Variants in PCDHA5 observed in about 807,000 individuals in gnomAD.
PCDHA5 encodes protocadherin alpha-5.
PCDHA5 carries 43 observed loss-of-function variants against 61.6 expected under a neutral mutation model. The observed-to-expected ratio is 0.70, with a 90% CI of 0.55 to 0.90. The LOEUF (loss-of-function observed/expected upper bound fraction) is 0.90. PCDHA5 is among the 40% of genes least tolerant of loss of function. The pLI is 0.00. For synonymous variants in PCDHA5, 627 were observed against 543.9 expected, an observed-to-expected ratio of 1.15 and a Z score of -2.13; for missense variants, 1,298 against 1,222.7, an observed-to-expected ratio of 1.06 and a Z score of -0.92.
At chr5:140,873,417 AATT>A (rs1443232738) in intron 1 of PCDHA5, among the ~76,000 whole-genome samples, 1 of 152,164 alleles carries the variant, frequency 6.6e-6, no homozygotes. Flanking sequence ...AAATTTTGTA[AATT>A]ATTATTTTAT....
At chr5:140,898,323 G>A (rs2066657733) in intron 1 of PCDHA5, among the ~76,000 whole-genome samples, 1 of 152,132 alleles carries the variant, frequency 6.6e-6, no homozygotes, top group Admixed American at 6.5e-5. Context: ...ATGGTTTTGG[G>A]TCTAACGTTT....
chr5:140,999,975 A>G (rs952038024), intron 3 of PCDHA5, among the ~76,000 whole-genome samples: 3 of 152,078 alleles, frequency 2.0e-5, no homozygotes, highest in African/African-American at 7.2e-5. Context: ...TAGCAGCTCT[A>G]GCGGCCTCTG....
intron 1 of PCDHA5, chr5:140,870,228 C>T: frequency 6.2e-7 from 1 of 1,614,186 alleles, no homozygotes; most frequent in South Asian, 1.1e-5. Context: ...GCGTGTCTGA[C>T]CGTGACTCAG....
intron 1 of PCDHA5, chr5:140,830,053 C>T (rs2150180331): frequency 4.3e-6 from 7 of 1,613,618 alleles, no homozygotes; most frequent in Non-Finnish European, 2.5e-6. Flanking sequence ...TGAAAGACCA[C>T]GGTGAGCCGG....
Position 141,009,998 on chromosome 5 carries a change from T to A in PCDHA5, c.*61T>A. On this transcript the variant is annotated 3_prime_UTR_variant, in exon 4 of 4. Transcript: ENST00000529859. ...TTGTAATAATGGCAAATCTCTCCCA[T>A]GTAGCAATTCCCTGCTCCTTTTTCC... 1 of 1,575,994 alleles carries A rather than the reference T, an allele frequency of 6.3e-7. No individual in the cohort carries two copies. Among genetic ancestry groups the A allele is most frequent in the Non-Finnish European group, 8.6e-7 (1 of 1,164,944 alleles).
chr5:140,882,100 C>T, intron 1 of PCDHA5: 1 of 1,277,590 alleles, frequency 7.8e-7, no homozygotes, highest in Non-Finnish European at 1.1e-6. Flanking sequence ...AGAACGTTTC[C>T]GCGAAGAAAG....
At chr5:141,005,548 A>G (rs970223535) in intron 3 of PCDHA5, among the ~76,000 whole-genome samples, 2 of 151,322 alleles carry the variant, frequency 1.3e-5, no homozygotes, top group African/African-American at 4.9e-5. Flanking sequence ...CTAAAAATAC[A>G]AAAATTAGCC....
At chr5:140,900,139 G>A (rs985320509) in intron 1 of PCDHA5, among the ~76,000 whole-genome samples, 2 of 152,156 alleles carry the variant, frequency 1.3e-5, no homozygotes, top group East Asian at 3.9e-4. Context: ...CCACAAATAA[G>A]TAAGAACATA....
Position 140,858,345 on chromosome 5 carries a change from A to G in PCDHA5, c.2352+34218A>G, listed in dbSNP as rs782668038. 4 of 1,594,626 alleles carry G rather than the reference A, an allele frequency of 2.5e-6. 1 individual carries two copies. The African/African-American group carries it at 5.4e-5, about 21-fold the overall frequency. On this transcript the variant is annotated intron_variant, in intron 1 of 3. Coordinates refer to ENST00000529859, the MANE Select transcript of PCDHA5 (RefSeq NM_018908.3). ...TCTGGGGAGGGCCTGCCCAAGGCGGACCTCATGGCCTTCAGCCCCAGCCTT... is the reference window on the plus strand; with the variant it reads ...TCTGGGGAGGGCCTGCCCAAGGCGGGCCTCATGGCCTTCAGCCCCAGCCTT...
chr5:140,836,008 T>C (rs2150250526), intron 1 of PCDHA5: 4 of 1,613,236 alleles, frequency 2.5e-6, no homozygotes, highest in Non-Finnish European at 3.4e-6. Flanking sequence ...GATGCGGGCG[T>C]GCCGCCTCTG....
At chr5:141,003,095 T>C (rs1245011518) in intron 3 of PCDHA5, among the ~76,000 whole-genome samples, 3 of 152,258 alleles carry the variant, frequency 2.0e-5, no homozygotes, top group African/African-American at 7.2e-5. Flanking sequence ...AGGCCTGGCA[T>C]TTGCTTCACA....
chr5:140,917,329 G>GC (rs1563018868), intron 1 of PCDHA5, among the ~76,000 whole-genome samples: 1 of 143,930 alleles, frequency 6.9e-6, no homozygotes, highest in Non-Finnish European at 1.5e-5. Flanking sequence ...TGTGGCGGGG[G>GC]AGGGGGGGGA....
intron 3 of PCDHA5, among the ~76,000 whole-genome samples, chr5:140,992,981 A>T (rs532135754): frequency 5.3e-5 from 8 of 152,232 alleles, no homozygotes; most frequent in Admixed American, 1.3e-4. Flanking sequence ...TGATTAGGCC[A>T]TGGGACCCAT....
At chr5:140,945,641 C>T (rs1253716354) in intron 1 of PCDHA5, among the ~76,000 whole-genome samples, 3 of 151,972 alleles carry the variant, frequency 2.0e-5, no homozygotes, top group Non-Finnish European at 2.9e-5. Context: ...GACATGTAGA[C>T]CAATGGAGCA....
intron 1 of PCDHA5, chr5:140,858,460 C>T (rs1395067215): frequency 6.6e-7 from 1 of 1,525,828 alleles, no homozygotes; most frequent in African/African-American, 1.4e-5. Context: ...TTTTCATTTT[C>T]CTTTTGTGCT....
rs1368766918 is a variant in PCDHA5 at position 141,010,867 on chromosome 5, A to G, written c.*930A>G. 4.6e-5 allele frequency: 7 copies of G among 153,798 alleles called. No homozygotes were observed. The highest frequency in any genetic ancestry group is 3.3e-4 in the Admixed American group (5 of 15,292). 9.5% of individuals were successfully genotyped at this position (153,798 alleles called of 1,614,324 possible). A position where few individuals can be genotyped will look rare whatever the true frequency, so the allele number is the denominator to read the frequency against. On this transcript the variant is annotated 3_prime_UTR_variant, in exon 4 of 4. Coordinates refer to ENST00000529859, the MANE Select transcript of PCDHA5 (RefSeq NM_018908.3). Reference sequence around the variant, plus strand: ...TTAAAAAAAGAGAAAGTCTATAGCTATAAATCTTTAAAGAGAAATATGAAT... The same window carrying G: ...TTAAAAAAAGAGAAAGTCTATAGCTGTAAATCTTTAAAGAGAAATATGAAT...
Position 140,850,095 on chromosome 5 carries a change from C to G in PCDHA5, c.2352+25968C>G, listed in dbSNP as rs139719626. The G allele has an allele frequency of 2.5e-3, 3,966 of 1,596,304 alleles. 379 individuals carry two copies. Among genetic ancestry groups the G allele is most frequent in the Non-Finnish European group, 3.1e-3 (3,638 of 1,167,768 alleles). On this transcript the variant is annotated intron_variant, in intron 1 of 3. Transcript: ENST00000529859. Reference sequence around the variant, plus strand: ...CGAGGAGCTGGAGCTGCTACAGTTCCAGGTGAGCGCGCGCGACGCGGGCGT... The same window carrying G: ...CGAGGAGCTGGAGCTGCTACAGTTCGAGGTGAGCGCGCGCGACGCGGGCGT...
At chr5:140,932,028 G>A (rs1299372751) in intron 1 of PCDHA5, among the ~76,000 whole-genome samples, 1 of 151,864 alleles carries the variant, frequency 6.6e-6, no homozygotes, top group South Asian at 2.1e-4. Flanking sequence ...TAAGTTTACA[G>A]TATATATTAA....
At chr5:140,830,283 C>G (rs2150184279) in intron 1 of PCDHA5, 3 of 1,613,760 alleles carry the variant, frequency 1.9e-6, no homozygotes, top group East Asian at 2.2e-5. Context: ...ACCGAGGGCG[C>G]GTGCACGGCG....
Sources: allele counts gnomAD v4.1 joint callset (sites outside exome capture counted in the v4.1 genomes callset), GRCh38; gene constraint gnomAD v4.1.1; transcripts MANE v1.5; gene names NCBI Gene and HGNC (gene_info 2026-07-23, HGNC 2026-07-21).